HSCB: variants seen among roughly 807,000 people sequenced by gnomAD.
HSCB encodes HscB mitochondrial iron-sulfur cluster cochaperone, also known as iron-sulfur cluster co-chaperone protein HscB.
HSCB carries 23 observed loss-of-function variants against 31.3 expected under a neutral mutation model. The ratio of observed to expected loss-of-function variants is 0.74; its 90% CI spans 0.53 to 1.04. The LOEUF is 1.04. Ranked by LOEUF, HSCB falls within the 50% of genes least tolerant of loss-of-function variation. The pLI is 0.00. For synonymous variants in HSCB, 110 were observed against 104.5 expected, an observed-to-expected ratio of 1.05 and a Z score of -0.32; for missense variants, 297 against 288.1, an observed-to-expected ratio of 1.03 and a Z score of -0.22.
Position 28,751,529 on chromosome 22 carries a change from C to T in HSCB, c.616+241C>T, listed in dbSNP as rs1442362880. Among the ~76,000 whole-genome samples the T allele has an allele frequency of 3.9e-5, 6 of 152,122 alleles. No homozygotes were observed. The East Asian group carries it at 9.6e-4, about 24-fold the overall frequency. ...CTGGGAGGCTAAGGCGGGCGGATCA[C>T]GAAGTCAGGAGATTGAGACCATCCT... On this transcript the variant is annotated intron_variant, in intron 5 of 5. Coordinates refer to ENST00000216027, the MANE Select transcript of HSCB (RefSeq NM_172002.5).
chr22:28,748,973 T>C (rs2030023714), intron 4 of HSCB, among the ~76,000 whole-genome samples: 1 of 151,778 alleles, frequency 6.6e-6, no homozygotes, highest in African/African-American at 2.4e-5. Flanking sequence ...GACCCCCATC[T>C]CCATTAAAAA....
chr22:28,743,795 C>T (rs2054636062), intron 1 of HSCB, 87 bp from the exon 2 acceptor site: 1 of 1,107,784 alleles, frequency 9.0e-7, no homozygotes, highest in Non-Finnish European at 1.4e-6. Flanking sequence ...GTTATTGCAT[C>T]TTCCCCATAA....
chr22:28,745,924 C>G lies in HSCB; in HGVS notation c.484C>G (p.Leu162Val). Reference sequence around the variant, plus strand: ...AGATTATGAAATGGACAGGCAATTCCTCATAGAAATAATGGAAATCAATGA... The same window carrying G: ...AGATTATGAAATGGACAGGCAATTCGTCATAGAAATAATGGAAATCAATGA... ...RTDYEMDRQFLIEIMEINEKL... is the reference protein window; with the variant it reads ...RTDYEMDRQFVIEIMEINEKL... Residue 162 changes from leucine to valine, a missense_variant, in exon 4 of 6, where the codon CTC (leucine) becomes GTC (valine). Coordinates refer to ENST00000216027, the MANE Select transcript of HSCB (RefSeq NM_172002.5). 1 of 1,613,242 alleles carries G rather than the reference C, an allele frequency of 6.2e-7. No homozygotes were observed. Among genetic ancestry groups the G allele is most frequent in the Non-Finnish European group, 8.5e-7 (1 of 1,179,298 alleles).
intron 1 of HSCB, chr22:28,742,592 G>T (rs1238474569): frequency 3.7e-6 from 2 of 533,616 alleles, no homozygotes; most frequent in South Asian, 5.3e-5. Flanking sequence ...GAGGAAATAG[G>T]GGGGCCGAGG....
intron 4 of HSCB, among the ~76,000 whole-genome samples, chr22:28,746,937 A>G (rs1395167811): frequency 6.6e-6 from 1 of 150,426 alleles, no homozygotes; most frequent in Non-Finnish European, 1.5e-5. Context: ...GGAGGTGCGC[A>G]CTTGTGGTCC....
intron 5 of HSCB, among the ~76,000 whole-genome samples, chr22:28,753,808 G>A (rs5762774): frequency 0.12 from 17,136 of 146,158 alleles, 1,202 homozygotes; most frequent in South Asian, 0.3. Flanking sequence ...ACTGCACTTC[G>A]GCCTGGGTGA....
intron 4 of HSCB, among the ~76,000 whole-genome samples, chr22:28,750,958 T>TTTTTTTTTTTTTTTTTTTTTTTC (rs2030199162): frequency 6.9e-6 from 1 of 144,374 alleles, no homozygotes; most frequent in Non-Finnish European, 1.5e-5. Context: ...TTTTTTTTTT[T>TTTTTTTTTTTTTTTTTTTTTTTC]TTTTTTTTTT....
intron 5 of HSCB, among the ~76,000 whole-genome samples, chr22:28,755,267 G>T (rs1451993427): frequency 6.6e-6 from 1 of 151,672 alleles, no homozygotes. Flanking sequence ...AAAATTAGCC[G>T]GGCAAGGTGG....
intron 1 of HSCB, 100 bp downstream of exon 1, chr22:28,742,431 G>C: frequency 6.6e-7 from 1 of 1,507,462 alleles, no homozygotes; most frequent in Non-Finnish European, 8.9e-7. Flanking sequence ...AGAGAAGGCG[G>C]GACTGATGGG....
intron 1 of HSCB, 94 bp downstream of exon 1, chr22:28,742,425 A>G: frequency 6.6e-7 from 1 of 1,524,434 alleles, no homozygotes; most frequent in South Asian, 1.2e-5. Context: ...GGCGGAAGAG[A>G]AGGCGGGACT....
chr22:28,752,714 A>G (rs2030340786), intron 5 of HSCB, among the ~76,000 whole-genome samples: 1 of 150,152 alleles, frequency 6.7e-6, no homozygotes, highest in Admixed American at 6.7e-5. Flanking sequence ...AGCCTGTGCA[A>G]CAGAGCGAGA....
chr22:28,754,224 AC>A (rs1962326665), intron 5 of HSCB, among the ~76,000 whole-genome samples: 1 of 152,238 alleles, frequency 6.6e-6, no homozygotes, highest in Non-Finnish European at 1.5e-5. Flanking sequence ...TCACAAAAGG[AC>A]AAATACTATA....
rs1315372626 is a variant in HSCB at position 28,757,502 on chromosome 22, AAAAT to A, written c.*337_*340del. ...TTAATCTTGAAAAATAAATAAATGA[AAAAT>A]AAAATTCTTGTATATTTCTTTTCTG... On this transcript the variant is annotated 3_prime_UTR_variant, in exon 6 of 6. Coordinates refer to ENST00000216027, the MANE Select transcript of HSCB (RefSeq NM_172002.5). 1 of 181,026 alleles carries A rather than the reference AAAAT, an allele frequency of 5.5e-6. No individual in the cohort carries two copies. The highest frequency in any genetic ancestry group is 6.2e-5 in the Admixed American group (1 of 16,172). 11.2% of individuals were successfully genotyped at this position (181,026 alleles called of 1,614,324 possible).
intron 5 of HSCB, among the ~76,000 whole-genome samples, chr22:28,752,659 G>A (rs1322735165): frequency 7.3e-5 from 11 of 151,440 alleles, no homozygotes; most frequent in Admixed American, 2.6e-4. Flanking sequence ...GCGTGAACCC[G>A]GGAGGCGGAG....
chr22:28,747,387 G>C (rs1025584023), intron 4 of HSCB, among the ~76,000 whole-genome samples: 2 of 152,062 alleles, frequency 1.3e-5, no homozygotes, highest in Non-Finnish European at 2.9e-5. Flanking sequence ...CTGCAGCCTT[G>C]ACCCATGGGC....
At chr22:28,745,736 A>T (rs1161127906) in intron 3 of HSCB, 128 bp from the exon 4 acceptor site, 2 of 731,048 alleles carry the variant, frequency 2.7e-6, no homozygotes, top group Admixed American at 3.0e-5. Context: ...GATACCCCTT[A>T]GTCTTTCATT....
At chr22:28,751,063 G>A (rs1413254458) in intron 4 of HSCB, among the ~76,000 whole-genome samples, 178 bp from the exon 5 acceptor site, 2 of 147,732 alleles carry the variant, frequency 1.4e-5, no homozygotes, top group African/African-American at 2.5e-5. Context: ...CCAGAGTTGT[G>A]CTAAACAGCA....
chr22:28,742,065 A>T lies in HSCB; in HGVS notation c.-31A>T. 1 of 1,585,200 alleles carries T rather than the reference A, an allele frequency of 6.3e-7. No homozygotes were observed. ...GACGCTCTCTTTGCTTTTCCCCACG[A>T]GTGACCACGGCTAGATAGGCCGCCG... On this transcript the variant is annotated 5_prime_UTR_variant, in exon 1 of 6. Transcript: ENST00000216027.
Position 28,744,540 on chromosome 22 carries a change from C to T in HSCB, c.334-75C>T, listed in dbSNP as rs1601387317. ...GCACACTCCAGCCTGGATGACTCAA[C>T]GTCAAAACAAAAACAAAAACAAAAA... On this transcript the variant is annotated intron_variant, in intron 2 of 5. Coordinates refer to ENST00000216027, the MANE Select transcript of HSCB (RefSeq NM_172002.5). 10 of 1,097,566 alleles carry T rather than the reference C, an allele frequency of 9.1e-6. No homozygotes were observed. The East Asian group carries it at 9.4e-5, about 10-fold the overall frequency. The allele number at this position is 1,097,566 out of a possible 1,614,324, so 68.0% of individuals were successfully genotyped here. A position where few individuals can be genotyped will look rare whatever the true frequency, so the allele number is the denominator to read the frequency against.
Sources: allele counts gnomAD v4.1 joint callset (sites outside exome capture counted in the v4.1 genomes callset), GRCh38; gene constraint gnomAD v4.1.1; transcripts MANE v1.5; gene names NCBI Gene and HGNC (gene_info 2026-07-23, HGNC 2026-07-21).